Variants in CACNA1A observed in about 807,000 individuals in gnomAD.
CACNA1A encodes calcium voltage-gated channel subunit alpha1 A, also known as voltage-dependent P/Q-type calcium channel subunit alpha-1A.
In CACNA1A, 57 loss-of-function variants were observed where a neutral mutation model predicts 262.4. The ratio of observed to expected loss-of-function variants is 0.22; its 90% CI spans 0.18 to 0.27. The LOEUF (loss-of-function observed/expected upper bound fraction) is 0.27, where lower values mean the gene tolerates loss of function less well. CACNA1A is among the 10% of genes least tolerant of loss of function. The pLI is 1.00. For synonymous variants in CACNA1A, 1,431 were observed against 1,419.3 expected (o/e 1.01, Z -0.18); for missense variants, 2,526 against 3,562.8 (o/e 0.71, Z 7.41).
At chr19:13,499,158 G>A (rs1356413469) in intron 1 of CACNA1A, among the ~76,000 whole-genome samples, 2 of 152,050 alleles carry the variant, frequency 1.3e-5, no homozygotes, top group Non-Finnish European at 2.9e-5. Context: ...CTGCACTCTC[G>A]ACCGGCCCCA....
At chr19:13,475,547 C>G (rs1381536874) in intron 1 of CACNA1A, among the ~76,000 whole-genome samples, 1 of 152,226 alleles carries the variant, frequency 6.6e-6, no homozygotes, top group Non-Finnish European at 1.5e-5. Context: ...AAATGACACT[C>G]TACTCTGTGC....
chr19:13,456,842 C>T (rs1037029465), intron 1 of CACNA1A, among the ~76,000 whole-genome samples: 8 of 152,098 alleles, frequency 5.3e-5, no homozygotes, highest in East Asian at 1.9e-4. Context: ...CAAACCCCAA[C>T]GGGATACTGC....
intron 3 of CACNA1A, among the ~76,000 whole-genome samples, chr19:13,375,269 C>T (rs996257235): frequency 1.3e-5 from 2 of 152,008 alleles, no homozygotes; most frequent in Admixed American, 1.3e-4. Context: ...CAAACTTGAT[C>T]GATAAATATT....
At chr19:13,402,713 A>C (rs1233697438) in intron 3 of CACNA1A, among the ~76,000 whole-genome samples, 1 of 146,594 alleles carries the variant, frequency 6.8e-6, no homozygotes, top group African/African-American at 2.5e-5. Flanking sequence ...TAAATGGACC[A>C]AATTTCATAT....
chr19:13,409,233 G>A (rs1166198742), intron 3 of CACNA1A, among the ~76,000 whole-genome samples: 1 of 152,148 alleles, frequency 6.6e-6, no homozygotes, highest in Non-Finnish European at 1.5e-5. Flanking sequence ...GGTGTGAGGC[G>A]AAGAGAGTTC....
At chr19:13,489,503 T>C (rs1980501947) in intron 1 of CACNA1A, among the ~76,000 whole-genome samples, 2 of 152,162 alleles carry the variant, frequency 1.3e-5, no homozygotes, top group Admixed American at 6.5e-5. Flanking sequence ...TTGCCCAGCC[T>C]GCTCTCAAAC....
intron 25 of CACNA1A, chr19:13,261,852 T>C (rs749319143): frequency 8.5e-6 from 4 of 468,582 alleles, no homozygotes; most frequent in Non-Finnish European, 1.5e-5. Context: ...TGCTTTTAAG[T>C]GATACAGGAG....
At chr19:13,484,961 GCCAGACTGTAAACT>G (rs1979798079) in intron 1 of CACNA1A, among the ~76,000 whole-genome samples, 1 of 152,126 alleles carries the variant, frequency 6.6e-6, no homozygotes. Context: ...TGTCATCCTT[GCCAGACTGTAAACT>G]CCATGAAAGC....
rs774657158 is a variant in CACNA1A, at chr19:13,214,237, T to G, written c.5936A>C (p.Glu1979Ala). 2.5e-6 allele frequency: 4 copies of G among 1,608,026 alleles called. No individual in the cohort carries two copies. Among genetic ancestry groups the G allele is most frequent in the Non-Finnish European group, 3.4e-6 (4 of 1,179,382 alleles). ...KAKKLQAMRE[E>A]QDRTPLMFQR... ...CCAGAGCGGCGAACAGCGCACCTGCTCCTCGCGCATGGCCTGCAGCTTCTT... is the reference window on the plus strand; with the variant it reads ...CCAGAGCGGCGAACAGCGCACCTGCGCCTCGCGCATGGCCTGCAGCTTCTT... The change falls in exon 40 of 47, where the codon GAG becomes GCG. Residue 1979 changes from glutamate (E) to alanine (A), a missense_variant. Glu to Ala is a moderately radical substitution (Grantham distance 107). Around this residue, in one of 17 missense-constraint regions of CACNA1A, gnomAD observed 929 missense variants for 868.1 expected, o/e 1.07. Coordinates refer to ENST00000360228, the MANE Select transcript of CACNA1A (RefSeq NM_001127222.2). The surrounding 1 kb of genome is among the most constrained non-coding windows in gnomAD (Gnocchi z 4.1).
intron 3 of CACNA1A, among the ~76,000 whole-genome samples, chr19:13,441,145 G>T (rs1386751089): frequency 6.6e-6 from 1 of 152,082 alleles, no homozygotes; most frequent in Non-Finnish European, 1.5e-5. Context: ...TCATTTTCCA[G>T]ATGAAGAAAT....
intron 6 of CACNA1A, among the ~76,000 whole-genome samples, chr19:13,344,011 A>G (rs2058717931): frequency 6.6e-6 from 1 of 152,154 alleles, no homozygotes; most frequent in African/African-American, 2.4e-5. Flanking sequence ...GGGGTTTGAG[A>G]CCAGCCTGGG....
intron 3 of CACNA1A, among the ~76,000 whole-genome samples, chr19:13,383,271 T>C (rs2059552956): frequency 6.6e-6 from 1 of 152,128 alleles, no homozygotes; most frequent in South Asian, 2.1e-4. Context: ...GGGCTTCCAA[T>C]GGAAAGACTG....
chr19:13,340,479 T>C (rs1449011539), intron 6 of CACNA1A, among the ~76,000 whole-genome samples: 1 of 143,336 alleles, frequency 7.0e-6, no homozygotes, highest in Non-Finnish European at 1.5e-5. Context: ...CAGGCTGGAG[T>C]GCAATGGCAC....
intron 1 of CACNA1A, among the ~76,000 whole-genome samples, chr19:13,505,014 G>T (rs1473505324): frequency 1.3e-5 from 2 of 152,084 alleles, no homozygotes; most frequent in African/African-American, 4.8e-5. Context: ...ATGTCCACAT[G>T]GGTGCTGATT....
intron 1 of CACNA1A, among the ~76,000 whole-genome samples, chr19:13,497,658 G>A (rs184082972): frequency 6.9e-6 from 1 of 144,064 alleles, no homozygotes; most frequent in Admixed American, 7.1e-5. Flanking sequence ...CAGGAGGATC[G>A]CTTGAGCCTA....
intron 10 of CACNA1A, among the ~76,000 whole-genome samples, chr19:13,325,953 A>G (rs1396175742): frequency 6.6e-6 from 1 of 152,172 alleles, no homozygotes; most frequent in East Asian, 1.9e-4. Flanking sequence ...TATATAATAC[A>G]TTGTTATTAA....
intron 38 of CACNA1A, among the ~76,000 whole-genome samples, chr19:13,218,371 A>G (rs907752331): frequency 1.3e-5 from 2 of 152,146 alleles, no homozygotes; most frequent in Non-Finnish European, 2.9e-5. Context: ...AGCCCTGCCT[A>G]TATGACAAAC....
chr19:13,392,451 G>C (rs2059726709), intron 3 of CACNA1A, among the ~76,000 whole-genome samples: 1 of 152,212 alleles, frequency 6.6e-6, no homozygotes. Context: ...CATAGTGTCA[G>C]TGGAGATGGG....
intron 3 of CACNA1A, among the ~76,000 whole-genome samples, chr19:13,419,904 G>A (rs2060288367): frequency 6.6e-6 from 1 of 150,482 alleles, no homozygotes; most frequent in Non-Finnish European, 1.5e-5. Context: ...TGGCCAACAT[G>A]GTGAAACCCT....
Sources: allele counts gnomAD v4.1 joint callset (sites outside exome capture counted in the v4.1 genomes callset), GRCh38; gene constraint gnomAD v4.1.1; regional missense constraint gnomAD v4.1.1; non-coding constraint Gnocchi (gnomAD v3.1); transcripts MANE v1.5; gene names NCBI Gene and HGNC (gene_info 2026-07-23, HGNC 2026-07-21).